EPHA6: variants seen among roughly 807,000 people sequenced by gnomAD.
EPHA6 encodes EPH receptor A6.
In EPHA6, 50 loss-of-function variants were observed where a neutral mutation model predicts 112.0. The observed-to-expected ratio is 0.45, with a 90% CI of 0.36 to 0.56. EPHA6 has a LOEUF of 0.56. EPHA6 is among the 20% of genes least tolerant of loss of function. EPHA6 has a pLI of 0.00. For missense variants in EPHA6, 1,280 were observed against 1,417.4 expected (o/e 0.90, Z 1.56); for synonymous variants, 529 against 490.7 (o/e 1.08, Z -1.03).
At chr3:96,980,956 A>G in intron 2 of EPHA6, among the ~76,000 whole-genome samples, 1 of 152,204 alleles carries the variant, frequency 6.6e-6, no homozygotes, top group Non-Finnish European at 1.5e-5. Flanking sequence ...TTGGGCTGAG[A>G]CGATGGGGTT....
intron 10 of EPHA6, among the ~76,000 whole-genome samples, chr3:97,501,125 A>C (rs2092105855): frequency 6.6e-6 from 1 of 152,212 alleles, no homozygotes; most frequent in South Asian, 2.1e-4. Context: ...TGATGGTCAC[A>C]GTACAACCAG....
chr3:97,657,997 C>T (rs2094146923), intron 14 of EPHA6, among the ~76,000 whole-genome samples: 7 of 151,510 alleles, frequency 4.6e-5, no homozygotes, highest in Admixed American at 4.6e-4. Flanking sequence ...AAAGAATTGT[C>T]AATACAGTGG....
At chr3:97,000,978 C>CT (rs1033662413) in intron 3 of EPHA6, among the ~76,000 whole-genome samples, 4 of 127,178 alleles carry the variant, frequency 3.1e-5, no homozygotes, top group African/African-American at 6.7e-5. Context: ...AAGCTTCTTA[C>CT]TTTTTTTTTC....
At chr3:97,369,032 AC>A (rs1217799110) in intron 5 of EPHA6, among the ~76,000 whole-genome samples, 1 of 152,186 alleles carries the variant, frequency 6.6e-6, no homozygotes, top group African/African-American at 2.4e-5. Context: ...GGCCATATGA[AC>A]AGCATTCCAA....
rs199728473 is a variant in EPHA6 at position 97,229,614 on chromosome 3, G to A, written c.1270+3195G>A. On this transcript the variant is annotated intron_variant, in intron 4 of 17. Transcript: ENST00000389672. ...GCTTATTTTATTTACTTCCATAGAA[G>A]CAAAACTAGACTTATGTAATGTCAC... Among the ~76,000 whole-genome samples, 30 of 152,188 alleles carry A rather than the reference G, an allele frequency of 2.0e-4. 1 individual carries two copies. The East Asian group carries it at 2.7e-3, about 14-fold the overall frequency.
chr3:97,720,023 T>C (rs1365570188), intron 14 of EPHA6, among the ~76,000 whole-genome samples: 1 of 152,232 alleles, frequency 6.6e-6, no homozygotes, highest in Non-Finnish European at 1.5e-5. Flanking sequence ...CTCTAATGAA[T>C]GAAATAAAAT....
intron 10 of EPHA6, among the ~76,000 whole-genome samples, chr3:97,501,546 C>T (rs1248428768): frequency 1.3e-5 from 2 of 151,692 alleles, no homozygotes; most frequent in African/African-American, 4.8e-5. Flanking sequence ...TTTAAAATAA[C>T]ACATGAATTG....
chr3:96,824,010 C>T (rs2033474308), intron 1 of EPHA6, among the ~76,000 whole-genome samples: 1 of 151,672 alleles, frequency 6.6e-6, no homozygotes, highest in Non-Finnish European at 1.5e-5. Context: ...AGTATGATAA[C>T]TTATTGTCTT....
At chr3:97,519,471 T>C (rs569850563) in intron 10 of EPHA6, among the ~76,000 whole-genome samples, 18 of 152,328 alleles carry the variant, frequency 1.2e-4, no homozygotes, top group Admixed American at 1.2e-3. Flanking sequence ...ATTTGAGCTC[T>C]TCTTTAATTC....
At chr3:96,937,560 T>G (rs1209825713) in intron 2 of EPHA6, among the ~76,000 whole-genome samples, 1 of 152,192 alleles carries the variant, frequency 6.6e-6, no homozygotes, top group Admixed American at 6.5e-5. Flanking sequence ...GTAGGTTGCC[T>G]GTTCACTCTG....
chr3:97,332,894 C>G (rs1050849589), intron 5 of EPHA6, among the ~76,000 whole-genome samples: 3 of 152,050 alleles, frequency 2.0e-5, no homozygotes, highest in African/African-American at 7.2e-5. Flanking sequence ...TCACATAGAT[C>G]ATTCCTCCCA....
chr3:97,429,977 G>A (rs1183288615), intron 6 of EPHA6, among the ~76,000 whole-genome samples: 1 of 152,148 alleles, frequency 6.6e-6, no homozygotes, highest in African/African-American at 2.4e-5. Context: ...ATGGCCCTCC[G>A]TGGGCTTACT....
chr3:97,482,727 G>C (rs1276064466), intron 9 of EPHA6, among the ~76,000 whole-genome samples: 1 of 152,084 alleles, frequency 6.6e-6, no homozygotes, highest in Non-Finnish European at 1.5e-5. Context: ...TGCAAGGAGA[G>C]TCAAACAACA....
intron 6 of EPHA6, among the ~76,000 whole-genome samples, chr3:97,407,354 AC>A: frequency 1.3e-5 from 2 of 151,774 alleles, no homozygotes; most frequent in Non-Finnish European, 2.9e-5. Flanking sequence ...TTAAACACAC[AC>A]ACACACACAC....
intron 1 of EPHA6, among the ~76,000 whole-genome samples, chr3:96,845,746 G>T (rs560772984): frequency 6.6e-6 from 1 of 152,054 alleles, no homozygotes; most frequent in East Asian, 1.9e-4. Flanking sequence ...TGATATGAAG[G>T]GTAAGATTCC....
intron 14 of EPHA6, among the ~76,000 whole-genome samples, chr3:97,645,557 A>C (rs184210): frequency 0.015 from 2,188 of 149,462 alleles, 37 homozygotes; most frequent in African/African-American, 0.043. Context: ...GGAGATATAC[A>C]TAATGCTAGA....
intron 10 of EPHA6, among the ~76,000 whole-genome samples, chr3:97,488,564 TG>T (rs1455781104): frequency 1.3e-5 from 2 of 152,204 alleles, no homozygotes; most frequent in East Asian, 3.8e-4. Flanking sequence ...TTAAAGAAAC[TG>T]TATTTTTGTT....
intron 3 of EPHA6, among the ~76,000 whole-genome samples, chr3:97,197,392 G>T (rs969806045): frequency 1.3e-5 from 2 of 151,836 alleles, no homozygotes; most frequent in African/African-American, 4.8e-5. Context: ...ATCACATGGT[G>T]GATCCTGCCA....
chr3:97,658,174 GT>G (rs1334795723), intron 14 of EPHA6, among the ~76,000 whole-genome samples: 1 of 151,812 alleles, frequency 6.6e-6, no homozygotes, highest in Non-Finnish European at 1.5e-5. Flanking sequence ...TTATAAGATA[GT>G]TTTTCATGTA....
Sources: allele counts gnomAD v4.1 joint callset (sites outside exome capture counted in the v4.1 genomes callset), GRCh38; gene constraint gnomAD v4.1.1; transcripts MANE v1.5; gene names NCBI Gene and HGNC (gene_info 2026-07-23, HGNC 2026-07-21).